IGF1R: variants seen among roughly 807,000 people sequenced by gnomAD.
IGF1R encodes insulin like growth factor 1 receptor, also known as insulin-like growth factor 1 receptor.
A neutral mutation model predicts 144.6 loss-of-function variants in IGF1R; 44 were observed. The ratio of observed to expected loss-of-function variants is 0.30; its 90% confidence interval spans 0.24 to 0.39. The LOEUF (loss-of-function observed/expected upper bound fraction) is 0.39. IGF1R is among the 10% of genes least tolerant of loss of function. The pLI is 1.00. For missense variants in IGF1R, 1,355 were observed against 1,833.7 expected (o/e 0.74, Z 4.77); for synonymous variants, 795 against 722.8 (o/e 1.10, Z -1.60).
chr15:98,926,787 C>A (rs995351973), intron 13 of IGF1R, among the ~76,000 whole-genome samples: 2 of 152,140 alleles, frequency 1.3e-5, no homozygotes, highest in Non-Finnish European at 2.9e-5. Flanking sequence ...GATGTTTAGG[C>A]AGATAATTTT....
chr15:98,956,282 G>A (rs1032339410), intron 20 of IGF1R, among the ~76,000 whole-genome samples: 1 of 152,266 alleles, frequency 6.6e-6, no homozygotes, highest in Admixed American at 6.5e-5. Context: ...CACAGCACAA[G>A]CGTCATCCTG....
rs145887026 is a variant in IGF1R, at chr15:98,839,098, G to T, written c.641-52227G>T. Among the ~76,000 whole-genome samples the T allele has an allele frequency of 4.4e-4, 67 of 152,356 alleles. 1 individual carries two copies. In the East Asian group the frequency reaches 0.012, roughly 26 times the overall value. ...CAAAAGAATCTTGCACCTGCTGCCAGTGAGCTTACACCTAGATGACAGCTG... is the reference window on the plus strand; with the variant it reads ...CAAAAGAATCTTGCACCTGCTGCCATTGAGCTTACACCTAGATGACAGCTG... On this transcript the variant is annotated intron_variant, in intron 2 of 20. Transcript: ENST00000650285.
chr15:98,654,387 G>A (rs941455184), intron 1 of IGF1R, among the ~76,000 whole-genome samples: 1 of 152,174 alleles, frequency 6.6e-6, no homozygotes, highest in Non-Finnish European at 1.5e-5. Context: ...CATGTTTTGA[G>A]TTGTAAGAAA....
intron 1 of IGF1R, among the ~76,000 whole-genome samples, chr15:98,698,484 C>T (rs960160217): frequency 6.6e-6 from 1 of 152,254 alleles, no homozygotes; most frequent in Admixed American, 6.5e-5. Context: ...CACGGGCAGC[C>T]ACTTTCTGCT....
At position 98,911,421 on chromosome 15, in the gene IGF1R, C is replaced by T. The variant is rs751633559; in HGVS notation, c.1569C>T (p.Phe523=). 3.1e-6 allele frequency: 5 copies of T among 1,614,230 alleles called. No homozygotes were observed. The highest frequency in any genetic ancestry group is 2.2e-5 in the South Asian group (2 of 91,082). The change falls in exon 7 of 21, where the codon TTC becomes TTT. Residue 523 remains phenylalanine (F), a synonymous_variant. Coordinates refer to ENST00000650285, the MANE Select transcript of IGF1R (RefSeq NM_000875.5). ...CTGACTACAGGGATCTCATCAGCTTCACCGTTTACTACAAGGAAGCGTGAG... is the reference window on the plus strand; with the variant it reads ...CTGACTACAGGGATCTCATCAGCTTTACCGTTTACTACAAGGAAGCGTGAG... The part of the protein sequence containing the change: ...RPPDYRDLIS[F]TVYYKEAPFK...
intron 2 of IGF1R, chr15:98,880,966 A>G (rs2013341569): frequency 1.3e-5 from 2 of 152,258 alleles, no homozygotes; most frequent in Non-Finnish European, 2.9e-5. Flanking sequence ...AAGTCTTAGT[A>G]ATGAGATTAG....
chr15:98,818,568 T>C (rs2056742340), intron 2 of IGF1R, among the ~76,000 whole-genome samples: 2 of 151,242 alleles, frequency 1.3e-5, no homozygotes, highest in Non-Finnish European at 3.0e-5. Flanking sequence ...AAATAATTAG[T>C]TGGGGAGTGG....
chr15:98,696,915 T>A lies in IGF1R; in HGVS notation c.95-10647T>A, dbSNP rs116720589. On this transcript the variant is annotated intron_variant, in intron 1 of 20. Coordinates refer to ENST00000650285, the MANE Select transcript of IGF1R (RefSeq NM_000875.5). ...AATCCTAAATGCCGAGGGTACCTGGTCTTAGTAGAAATCGTAGGATGCCTC... is the reference window on the plus strand; with the variant it reads ...AATCCTAAATGCCGAGGGTACCTGGACTTAGTAGAAATCGTAGGATGCCTC... Among the ~76,000 whole-genome samples, 396 of 152,212 alleles carry A rather than the reference T, an allele frequency of 2.6e-3. 2 individuals are homozygous for A. Among genetic ancestry groups the A allele is most frequent in the African/African-American group, 8.9e-3 (369 of 41,518 alleles).
chr15:98,807,037 T>C (rs955030556), intron 2 of IGF1R, among the ~76,000 whole-genome samples: 8 of 152,138 alleles, frequency 5.3e-5, no homozygotes, highest in African/African-American at 1.2e-4. Flanking sequence ...TTATAACGTC[T>C]GATGTGACCT....
At chr15:98,816,896 C>G (rs74865241) in intron 2 of IGF1R, among the ~76,000 whole-genome samples, 12,483 of 152,202 alleles carry the variant, frequency 0.082, 591 homozygotes, top group Middle Eastern at 0.22. Flanking sequence ...TATAAATGCC[C>G]GGTTGTATGG....
rs2017283013 is a variant in IGF1R, at chr15:98,962,972, A to G, written c.*5530A>G. On this transcript the variant is annotated 3_prime_UTR_variant, in exon 21 of 21. Transcript: ENST00000650285. Reference sequence around the variant, plus strand: ...TTATGTCCCACGTGTGTGTGTCCGCATCTTTCTGGTCAACATTGTTTTAAC... The same window carrying G: ...TTATGTCCCACGTGTGTGTGTCCGCGTCTTTCTGGTCAACATTGTTTTAAC... 1.7e-5 allele frequency: 4 copies of G among 233,600 alleles called. No homozygotes were observed. The highest frequency in any genetic ancestry group is 2.5e-5 in the Non-Finnish European group (3 of 118,066). 14.5% of individuals were successfully genotyped at this position (233,600 alleles called of 1,614,324 possible). A position where few individuals can be genotyped will look rare whatever the true frequency, so the allele number is the denominator to read the frequency against.
In IGF1R at chr15:98,931,163, A is replaced by C. The variant is rs369230838; in HGVS notation, c.2956+858A>C. 1.1e-4 allele frequency among the ~76,000 whole-genome samples: 16 copies of C among 152,302 alleles called. No homozygotes were observed. In the East Asian group the frequency reaches 2.7e-3, roughly 26 times the overall value. ...GTTGAGAAGTCAGGAGGAGAATGGA[A>C]TCACTGTGGAAAGGGCTGTGAGGTC... On this transcript the variant is annotated intron_variant, in intron 15 of 20. Coordinates refer to ENST00000650285, the MANE Select transcript of IGF1R (RefSeq NM_000875.5).
chr15:98,809,790 T>C (rs1596321372), intron 2 of IGF1R, among the ~76,000 whole-genome samples: 1 of 152,196 alleles, frequency 6.6e-6, no homozygotes, highest in East Asian at 1.9e-4. Flanking sequence ...ACAGCTGCTT[T>C]GGAGGAACGT....
At chr15:98,781,847 T>G (rs559526589) in intron 2 of IGF1R, among the ~76,000 whole-genome samples, 1 of 152,318 alleles carries the variant, frequency 6.6e-6, no homozygotes, top group East Asian at 1.9e-4. Context: ...ATTGTGATAT[T>G]CCAGGTTTAA....
chr15:98,862,395 G>A (rs1414814835), intron 2 of IGF1R, among the ~76,000 whole-genome samples: 2 of 152,138 alleles, frequency 1.3e-5, no homozygotes, highest in African/African-American at 4.8e-5. Flanking sequence ...CTTGCACCTC[G>A]CTGGAAGACA....
chr15:98,765,920 G>T (rs2055425143), intron 2 of IGF1R, among the ~76,000 whole-genome samples: 1 of 151,904 alleles, frequency 6.6e-6, no homozygotes, highest in African/African-American at 2.4e-5. Context: ...GTATCCCATG[G>T]TGGGCATGCT....
intron 2 of IGF1R, among the ~76,000 whole-genome samples, chr15:98,793,215 T>C (rs1214955319): frequency 6.6e-6 from 1 of 152,268 alleles, no homozygotes. Context: ...GATCCAGTTG[T>C]TGTCAGCATT....
intron 2 of IGF1R, among the ~76,000 whole-genome samples, chr15:98,872,532 G>A (rs575255965): frequency 6.6e-6 from 1 of 152,310 alleles, no homozygotes; most frequent in South Asian, 2.1e-4. Context: ...AATAATAATA[G>A]TAGCTAATGT....
At chr15:98,953,306 C>T (rs937917183) in intron 20 of IGF1R, among the ~76,000 whole-genome samples, 3 of 152,130 alleles carry the variant, frequency 2.0e-5, no homozygotes, top group Non-Finnish European at 4.4e-5. Flanking sequence ...CACAAGGTGT[C>T]GAGGTCTGAG....
Sources: allele counts gnomAD v4.1 joint callset (sites outside exome capture counted in the v4.1 genomes callset), GRCh38; gene constraint gnomAD v4.1.1; transcripts MANE v1.5; gene names NCBI Gene and HGNC (gene_info 2026-07-23, HGNC 2026-07-21).